Variants in POLD1 observed in about 807,000 individuals in gnomAD.
POLD1 encodes DNA polymerase delta 1, catalytic subunit.
In POLD1, 79 loss-of-function variants were observed where a neutral mutation model predicts 129.7. The ratio of observed to expected loss-of-function variants is 0.61; its 90% CI spans 0.51 to 0.73. POLD1 has a LOEUF of 0.73. Among genes scored for constraint, POLD1 ranks in the 30% least tolerant of loss-of-function variants. The pLI, the probability that POLD1 is intolerant of heterozygous loss-of-function variation, is 0.00. For missense variants in POLD1, 1,338 were observed against 1,595.8 expected (o/e 0.84, Z 2.75); for synonymous variants, 714 against 683.3 (o/e 1.04, Z -0.70).
At chr19:50,416,224 ACT>A in intron 22 of POLD1, 170 bp from the exon 23 acceptor site, 3 of 641,798 alleles carry the variant, frequency 4.7e-6, no homozygotes, top group East Asian at 2.7e-5. Context: ...AGCCCTACAG[ACT>A]CTGTGGCCCA....
intron 1 of POLD1, among the ~76,000 whole-genome samples, chr19:50,391,384 C>T (rs553105392): frequency 1.3e-5 from 2 of 152,296 alleles, no homozygotes; most frequent in Non-Finnish European, 2.9e-5. Flanking sequence ...CGAGATCACG[C>T]CACTGCACTC....
intron 10 of POLD1, among the ~76,000 whole-genome samples, chr19:50,404,866 G>A (rs866837203): frequency 6.6e-6 from 1 of 151,386 alleles, no homozygotes; most frequent in South Asian, 2.1e-4. Flanking sequence ...CTGGGGTGTA[G>A]AAGTGATTCT....
At chr19:50,408,036 T>C (rs2038962530) in intron 14 of POLD1, among the ~76,000 whole-genome samples, 1 of 131,886 alleles carries the variant, frequency 7.6e-6, no homozygotes, top group African/African-American at 2.8e-5. Context: ...ACCCCGGCCC[T>C]AAAATAAATT....
chr19:50,403,510 C>A lies in POLD1; in HGVS notation c.1155C>A (p.Ile385=), dbSNP rs1555790563. Residue 385 remains isoleucine, a synonymous_variant, in exon 10 of 27, where the codon ATC becomes ATA. Coordinates refer to ENST00000440232, the MANE Select transcript of POLD1 (RefSeq NM_002691.4). ...ACCCCCAGGCCTGGTCCACCTTCAT[C>A]CGTATCATGGACCCCGACGTGATCA... ...EDLLQAWSTF[I]RIMDPDVITG... The A allele has an allele frequency of 8.1e-6, 13 of 1,613,662 alleles. No individual in the cohort carries two copies. The highest frequency in any genetic ancestry group is 1.0e-5 in the Non-Finnish European group (12 of 1,179,564).
chr19:50,407,851 C>T (rs938484600), intron 14 of POLD1, among the ~76,000 whole-genome samples: 2 of 147,984 alleles, frequency 1.4e-5, no homozygotes, highest in South Asian at 2.1e-4. Context: ...GGATTATAGG[C>T]GTGAGCCACC....
chr19:50,406,873 C>T lies in POLD1; in HGVS notation c.1495-110C>T, dbSNP rs766504398. The T allele has an allele frequency of 3.4e-5, 31 of 913,708 alleles. No individual in the cohort carries two copies. Among genetic ancestry groups the T allele is most frequent in the Non-Finnish European group, 4.8e-5 (29 of 602,292 alleles). The allele number at this position is 913,708 out of a possible 1,614,324, so 56.6% of individuals were successfully genotyped here. A position where few individuals can be genotyped will look rare whatever the true frequency, so the allele number is the denominator to read the frequency against. The stretch of plus-strand genomic sequence containing the variant: ...ACTTGGAGGGCCCTCCTGCCCGCCT[C>T]ACCTCCCAGGCCCTCCCCAGGCTAC... On this transcript the variant is annotated intron_variant, in intron 12 of 26. Coordinates refer to ENST00000440232, the MANE Select transcript of POLD1 (RefSeq NM_002691.4). The surrounding 1 kb of genome is among the most constrained non-coding windows in gnomAD (Gnocchi z 5.5).
intron 17 of POLD1, chr19:50,410,957 C>CT (rs74367625): frequency 0.017 from 2,148 of 124,218 alleles, 54 homozygotes; most frequent in South Asian, 0.018. Flanking sequence ...ACACAAACAC[C>CT]TTTTTTTTTT....
At chr19:50,388,776 AG>A (rs35616389) in intron 1 of POLD1, among the ~76,000 whole-genome samples, 16,276 of 148,786 alleles carry the variant, frequency 0.11, 1,023 homozygotes, top group South Asian at 0.21. Context: ...ACTATTTGAA[AG>A]TTGTGGTCAT....
chr19:50,408,622 A>G (rs1228943502), intron 14 of POLD1, 163 bp from the exon 15 acceptor site: 2 of 1,077,904 alleles, frequency 1.9e-6, no homozygotes, highest in Non-Finnish European at 1.3e-6. Context: ...AGTTCAAGCG[A>G]TCCTCCTGCC....
intron 14 of POLD1, among the ~76,000 whole-genome samples, chr19:50,407,862 G>C (rs918539550): frequency 2.7e-5 from 4 of 145,694 alleles, no homozygotes; most frequent in Non-Finnish European, 4.5e-5. Flanking sequence ...GTGAGCCACC[G>C]TGCCCGGCCG....
chr19:50,407,438 G>A, intron 14 of POLD1, 23 bp downstream of exon 14: 3 of 1,499,758 alleles, frequency 2.0e-6, no homozygotes, highest in Non-Finnish European at 2.7e-6. Context: ...GCTGGGTGCA[G>A]TTTTTACCTG....
At chr19:50,407,936 G>C (rs904235065) in intron 14 of POLD1, among the ~76,000 whole-genome samples, 10 of 151,858 alleles carry the variant, frequency 6.6e-5, no homozygotes, top group African/African-American at 2.4e-4. Context: ...TACTTGGGAG[G>C]CTGAGCTGGG....
At chr19:50,386,294 C>T (rs774397844) in intron 1 of POLD1, among the ~76,000 whole-genome samples, 13 of 152,046 alleles carry the variant, frequency 8.6e-5, no homozygotes, top group Admixed American at 5.2e-4. Flanking sequence ...TGTGCCACCA[C>T]GCCCAGCTAA....
chr19:50,406,135 G>T lies in POLD1; in HGVS notation c.1243-47G>T, dbSNP rs2038867617. The T allele has an allele frequency of 5.0e-6, 8 of 1,592,274 alleles. No individual in the cohort carries two copies. The highest frequency in any genetic ancestry group is 6.9e-6 in the Non-Finnish European group (8 of 1,165,534). ...CTCAATCTCCGTTCTTCAGGCTTAT[G>T]TGACGGGGACCCGCAGCCTGCTGCA... On this transcript the variant is annotated intron_variant, in intron 10 of 26. Transcript: ENST00000440232. This position sits in a 1 kb window ranked among gnomAD's most constrained non-coding sequence, Gnocchi z 5.5.
intron 22 of POLD1, 35 bp from the exon 23 acceptor site, chr19:50,416,361 C>T: frequency 6.5e-7 from 1 of 1,545,242 alleles, no homozygotes; most frequent in Non-Finnish European, 8.7e-7. Flanking sequence ...TGCCCTTTCC[C>T]TGGCTGCCCG....
chr19:50,396,120 T>C (rs1601181773), intron 1 of POLD1, among the ~76,000 whole-genome samples: 1 of 150,660 alleles, frequency 6.6e-6, no homozygotes, highest in Middle Eastern at 3.4e-3. Flanking sequence ...AGAATATTGC[T>C]GTGTTGCCCA....
intron 21 of POLD1, 42 bp downstream of exon 21, chr19:50,415,632 C>T (rs1191630618): frequency 6.3e-7 from 1 of 1,594,790 alleles, no homozygotes; most frequent in Middle Eastern, 1.9e-4. Flanking sequence ...ATAACCCCCT[C>T]CTTCCTGCCA....
At chr19:50,388,859 G>A (rs1385279540) in intron 1 of POLD1, among the ~76,000 whole-genome samples, 1 of 131,630 alleles carries the variant, frequency 7.6e-6, no homozygotes, top group African/African-American at 3.0e-5. Flanking sequence ...TTGAGACGGA[G>A]TCTTGCTCTG....
intron 1 of POLD1, among the ~76,000 whole-genome samples, chr19:50,397,669 C>T (rs2038419894): frequency 6.6e-6 from 1 of 152,090 alleles, no homozygotes; most frequent in South Asian, 2.1e-4. Context: ...TCCCAAAGTG[C>T]TGGGATTACA....
Sources: allele counts gnomAD v4.1 joint callset (sites outside exome capture counted in the v4.1 genomes callset), GRCh38; gene constraint gnomAD v4.1.1; non-coding constraint Gnocchi (gnomAD v3.1); transcripts MANE v1.5; gene names NCBI Gene and HGNC (gene_info 2026-07-23, HGNC 2026-07-21).